The following COL23A1 variants were observed in gnomAD, a reference collection of about 807,000 sequenced individuals.
The protein encoded by COL23A1 is collagen alpha-1(XXIII) chain.
Under a neutral mutation model 99.3 loss-of-function variants are expected in COL23A1, and 97 were observed. That is an observed-to-expected ratio of 0.98 (90% confidence interval 0.83 to 1.16). The LOEUF is 1.16. Ranked by LOEUF, COL23A1 falls within the 50% of genes most tolerant of loss-of-function variation. COL23A1 has a pLI of 0.00. For synonymous variants in COL23A1, 320 were observed against 308.2 expected (o/e 1.04, Z -0.40); for missense variants, 762 against 757.4 (o/e 1.01, Z -0.07).
At chr5:178,498,232 AT>A (rs1562025521) in intron 2 of COL23A1, among the ~76,000 whole-genome samples, 1,235 of 73,336 alleles carry the variant, frequency 0.017, 131 homozygotes, top group East Asian at 0.072. Context: ...ATATATATAT[AT>A]ATATATATAT....
rs915620913 is a variant in COL23A1, at chr5:178,281,398, C to T, written c.441+6926G>A. Among the ~76,000 whole-genome samples the T allele has an allele frequency of 2.6e-5, 4 of 152,168 alleles. No homozygotes were observed. Among genetic ancestry groups the T allele is most frequent in the Non-Finnish European group, 1.5e-5 (1 of 68,038 alleles). On this transcript the variant is annotated intron_variant, in intron 5 of 28. Transcript: ENST00000390654. The surrounding 1 kb of genome is among the most constrained non-coding windows in gnomAD (Gnocchi z 4.0). ...CAAAATTGGTCCCAGGCCGAGGCCCCGTCTCACAGACCACATTTCAGCCCA... is the reference window on the plus strand; with the variant it reads ...CAAAATTGGTCCCAGGCCGAGGCCCTGTCTCACAGACCACATTTCAGCCCA...
At chr5:178,292,619 T>C (rs2913821) in intron 3 of COL23A1, among the ~76,000 whole-genome samples, 121,308 of 152,058 alleles carry the variant, frequency 0.8, 48,601 homozygotes, top group Non-Finnish European at 0.84. Context: ...GGGTAGAACC[T>C]GGAGGCTACT....
At chr5:178,451,606 G>A (rs529688641) in intron 2 of COL23A1, among the ~76,000 whole-genome samples, 95 of 137,244 alleles carry the variant, frequency 6.9e-4, no homozygotes, top group African/African-American at 2.5e-3. Context: ...GCAGTGAGCC[G>A]AGATCTCATC....
intron 2 of COL23A1, among the ~76,000 whole-genome samples, chr5:178,319,934 C>A (rs562319896): frequency 6.6e-6 from 1 of 152,184 alleles, no homozygotes; most frequent in Non-Finnish European, 1.5e-5. Flanking sequence ...CATGCCCCTC[C>A]GTCACTCCTC....
intron 2 of COL23A1, among the ~76,000 whole-genome samples, chr5:178,475,692 C>T (rs1756991172): frequency 2.0e-5 from 3 of 152,148 alleles, no homozygotes; most frequent in Admixed American, 6.5e-5. Context: ...CAGGGTCACA[C>T]GAGGCTGAGA....
intron 1 of COL23A1, among the ~76,000 whole-genome samples, chr5:178,568,306 A>G (rs750178828): frequency 2.0e-5 from 3 of 152,224 alleles, no homozygotes; most frequent in Non-Finnish European, 4.4e-5. Flanking sequence ...GAATAGGAAA[A>G]GGACATTAGA....
chr5:178,341,047 G>A lies in COL23A1; in HGVS notation c.362-34128C>T, dbSNP rs10479623. Among the ~76,000 whole-genome samples, 14 of 152,292 alleles carry A rather than the reference G, an allele frequency of 9.2e-5. 1 individual carries two copies. The East Asian group carries it at 2.5e-3, about 27-fold the overall frequency. On this transcript the variant is annotated intron_variant, in intron 2 of 28. Coordinates refer to ENST00000390654, the MANE Select transcript of COL23A1 (RefSeq NM_173465.4). ...GCTGAGACAATTGGGCTGACCTTTT[G>A]TGGGCCACATGGCTCCTGATGGTGG...
At chr5:178,375,469 G>A (rs534609250) in intron 2 of COL23A1, among the ~76,000 whole-genome samples, 76 of 152,298 alleles carry the variant, frequency 5.0e-4, no homozygotes, top group Non-Finnish European at 9.4e-4. Context: ...CCTTTCTCTC[G>A]GAACCCTGCA....
At chr5:178,249,716 A>ACACACACACACACTCACTCTCTCTCT in intron 18 of COL23A1, among the ~76,000 whole-genome samples, 100 of 92,770 alleles carry the variant, frequency 1.1e-3, no homozygotes, top group Middle Eastern at 9.8e-3. Context: ...ACACACACAC[A>ACACACACACACACTCACTCTCTCTCT]CTCTCTCTCT....
chr5:178,537,581 G>A lies in COL23A1; in HGVS notation c.361+23101C>T, dbSNP rs935672482. Among the ~76,000 whole-genome samples, 4 of 152,274 alleles carry A rather than the reference G, an allele frequency of 2.6e-5. No homozygotes were observed. In the South Asian group the frequency reaches 6.2e-4, roughly 24 times the overall value. ...TCCCCACTCAGCAGACATGAGGGCCGGACCTGTCCCTCTCTTGTCTGGGTG... is the reference window on the plus strand; with the variant it reads ...TCCCCACTCAGCAGACATGAGGGCCAGACCTGTCCCTCTCTTGTCTGGGTG... On this transcript the variant is annotated intron_variant, in intron 2 of 28. Coordinates refer to ENST00000390654, the MANE Select transcript of COL23A1 (RefSeq NM_173465.4).
rs2127603312 is a variant in COL23A1 at position 178,306,061 on chromosome 5, T to C, written c.406+814A>G. On this transcript the variant is annotated intron_variant, in intron 3 of 28. Transcript: ENST00000390654. The surrounding 1 kb of genome is among the most constrained non-coding windows in gnomAD (Gnocchi z 4.1). ...GGTCAGTGTCACAGCAGTGGGAGAC[T>C]GTGGGAGAGAGGAGAGGAGACGACC... Among the ~76,000 whole-genome samples the C allele has an allele frequency of 6.6e-6, 1 of 151,858 alleles. No homozygotes were observed. Among genetic ancestry groups the C allele is most frequent in the Non-Finnish European group, 1.5e-5 (1 of 67,930 alleles).
chr5:178,562,035 AGT>A (rs1562092455), intron 1 of COL23A1: 1 of 524,670 alleles, frequency 1.9e-6, no homozygotes, highest in Admixed American at 2.3e-5. Flanking sequence ...CCACGGTCAA[AGT>A]GTGTCTGGAG....
chr5:178,536,203 G>A (rs866370646), intron 2 of COL23A1, among the ~76,000 whole-genome samples: 2 of 152,362 alleles, frequency 1.3e-5, no homozygotes, highest in Middle Eastern at 3.4e-3. Flanking sequence ...GGCTGGGGAC[G>A]CGGCTCATGC....
Position 178,544,622 on chromosome 5 carries a change from G to C in COL23A1, c.361+16060C>G, listed in dbSNP as rs138261687. On this transcript the variant is annotated intron_variant, in intron 2 of 28. Coordinates refer to ENST00000390654, the MANE Select transcript of COL23A1 (RefSeq NM_173465.4). The surrounding 1 kb of genome is among the most constrained non-coding windows in gnomAD (Gnocchi z 4.4). ...AGCAAGCACTTTGGCCAGCACAGCC[G>C]GCCTCTATCCCCACTGTGAGACGGG... Among the ~76,000 whole-genome samples, 101 of 152,304 alleles carry C rather than the reference G, an allele frequency of 6.6e-4. 1 individual carries two copies. The highest frequency in any genetic ancestry group is 4.9e-4 in the Non-Finnish European group (33 of 68,034).
At chr5:178,492,334 G>A (rs965230817) in intron 2 of COL23A1, among the ~76,000 whole-genome samples, 67 of 152,180 alleles carry the variant, frequency 4.4e-4, no homozygotes, top group African/African-American at 1.4e-3. Context: ...CTACCCCAAC[G>A]GGACCAGTGT....
intron 2 of COL23A1, among the ~76,000 whole-genome samples, chr5:178,430,376 T>C (rs1273810925): frequency 6.6e-6 from 1 of 152,130 alleles, no homozygotes. Flanking sequence ...CCTAAGGACA[T>C]CAATGGCACC....
intron 2 of COL23A1, among the ~76,000 whole-genome samples, chr5:178,380,747 C>T (rs932343271): frequency 5.9e-5 from 9 of 152,100 alleles, no homozygotes. Flanking sequence ...AATGTCGGGA[C>T]CAGCCGCAGT....
chr5:178,289,192 A>G (rs1463120245), intron 4 of COL23A1, among the ~76,000 whole-genome samples: 2 of 152,028 alleles, frequency 1.3e-5, no homozygotes, highest in African/African-American at 2.4e-5. Context: ...GAAACCAATC[A>G]TGGTACACGG....
chr5:178,383,400 G>A (rs562720998), intron 2 of COL23A1, among the ~76,000 whole-genome samples: 5 of 152,338 alleles, frequency 3.3e-5, no homozygotes, highest in African/African-American at 1.2e-4. Flanking sequence ...GTCCCCTTAA[G>A]GGGTCAAGGG....
Sources: gnomAD v4.1 joint callset for allele counts (sites outside exome capture counted in the v4.1 genomes callset) on GRCh38, gnomAD v4.1.1 for gene constraint, Gnocchi (gnomAD v3.1) non-coding constraint, MANE v1.5 for transcripts, NCBI Gene and HGNC (gene_info 2026-07-23, HGNC 2026-07-21) for gene names.